QTMAN: variants seen among roughly 807,000 people sequenced by gnomAD.
The protein encoded by QTMAN is queuosine-tRNA mannosyltransferase, also known as tRNA-queuosine alpha-mannosyltransferase.
At chr2:144,147,739 A>T in the QTMAN span, among the ~76,000 whole-genome samples, 1 of 151,902 alleles carries the variant, frequency 6.6e-6, no homozygotes, top group African/African-American at 2.4e-5. Flanking sequence ...TATACCTTTT[A>T]TGATGGGGAA....
At chr2:144,058,622 C>A in the QTMAN span, among the ~76,000 whole-genome samples, 1 of 152,182 alleles carries the variant, frequency 6.6e-6, no homozygotes. Context: ...AAATCTTTAT[C>A]TTTAGATCTA....
the QTMAN span, chr2:144,211,253 G>A: frequency 1.3e-5 from 2 of 152,346 alleles, no homozygotes; most frequent in African/African-American, 4.8e-5. Flanking sequence ...AAACAGAAAA[G>A]GGGAAAAAAA....
chr2:144,113,562 T>C, the QTMAN span, among the ~76,000 whole-genome samples: 4 of 152,184 alleles, frequency 2.6e-5, no homozygotes, highest in Admixed American at 2.0e-4. Context: ...TGGCTGAAAA[T>C]TTCCCAAATT....
chr2:144,211,028 T>C, the QTMAN span: 1 of 152,280 alleles, frequency 6.6e-6, no homozygotes, highest in East Asian at 1.9e-4. Context: ...AAGAAAGCAA[T>C]ATAAATATTG....
chr2:144,072,361 T>C, the QTMAN span, among the ~76,000 whole-genome samples: 7 of 152,302 alleles, frequency 4.6e-5, no homozygotes, highest in Admixed American at 3.3e-4. Context: ...GTAAAGACAA[T>C]CTTACTTTCT....
chr2:144,232,914 T>C, the QTMAN span, among the ~76,000 whole-genome samples: 2 of 152,294 alleles, frequency 1.3e-5, no homozygotes, highest in Admixed American at 6.5e-5. Flanking sequence ...TTTGCAAGAA[T>C]TGGTAAACTT....
the QTMAN span, among the ~76,000 whole-genome samples, chr2:144,317,233 G>A: frequency 6.6e-6 from 1 of 152,018 alleles, no homozygotes; most frequent in African/African-American, 2.4e-5. Flanking sequence ...AATTACCTCT[G>A]ACTCTCTTTA....
chr2:144,186,542 A>G, the QTMAN span, among the ~76,000 whole-genome samples: 12 of 152,186 alleles, frequency 7.9e-5, no homozygotes, highest in Non-Finnish European at 1.5e-4. Flanking sequence ...GTTTTGGATA[A>G]GAGTTCATTC....
chr2:144,306,958 G>A, the QTMAN span, among the ~76,000 whole-genome samples: 3 of 151,462 alleles, frequency 2.0e-5, no homozygotes, highest in African/African-American at 7.3e-5. Context: ...TCAGGAGTTC[G>A]AGACCAGCCT....
chr2:144,075,298 GT>G, the QTMAN span, among the ~76,000 whole-genome samples: 1 of 152,168 alleles, frequency 6.6e-6, no homozygotes, highest in African/African-American at 2.4e-5. Context: ...AATCTGGGTC[GT>G]AACACGCACT....
chr2:144,027,242 G>A, the QTMAN span, among the ~76,000 whole-genome samples: 238 of 152,220 alleles, frequency 1.6e-3, no homozygotes, highest in African/African-American at 5.7e-3. Context: ...AAAGATATAA[G>A]GGCCTTAGAA....
chr2:144,203,632 C>T, the QTMAN span, among the ~76,000 whole-genome samples: 1 of 152,154 alleles, frequency 6.6e-6, no homozygotes, highest in Non-Finnish European at 1.5e-5. Flanking sequence ...ATCACAGATT[C>T]ACAGACCCAG....
chr2:143,954,322 C>T, the QTMAN span, among the ~76,000 whole-genome samples: 7 of 152,118 alleles, frequency 4.6e-5, no homozygotes, highest in South Asian at 1.5e-3. Context: ...CTTATAATTA[C>T]ATAAAATCAA....
chr2:144,162,164 C>T, the QTMAN span, among the ~76,000 whole-genome samples: 2 of 152,108 alleles, frequency 1.3e-5, no homozygotes, highest in Non-Finnish European at 2.9e-5. Flanking sequence ...GATTTTTACA[C>T]GGTAATTTGC....
At chr2:144,103,785 G>T in the QTMAN span, among the ~76,000 whole-genome samples, 2 of 152,078 alleles carry the variant, frequency 1.3e-5, no homozygotes, top group African/African-American at 4.8e-5. Context: ...ATACAGTTAG[G>T]TCTTATTAAA....
the QTMAN span, chr2:144,237,115 C>G: frequency 6.6e-6 from 1 of 152,158 alleles, no homozygotes; most frequent in Non-Finnish European, 1.5e-5. Context: ...TGAAGCTTTA[C>G]TTTGGGGAAT....
the QTMAN span, among the ~76,000 whole-genome samples, chr2:144,244,164 C>A: frequency 4.5e-4 from 69 of 152,284 alleles, 1 homozygote; most frequent in Non-Finnish European, 4.1e-4. Flanking sequence ...GGGTTCCCAT[C>A]AAAATGTCTT....
chr2:144,148,637 T>C, the QTMAN span, among the ~76,000 whole-genome samples: 1 of 151,756 alleles, frequency 6.6e-6, no homozygotes, highest in African/African-American at 2.4e-5. Context: ...TAGCTAATGT[T>C]TAACCGAAAG....
the QTMAN span, among the ~76,000 whole-genome samples, chr2:144,284,989 C>T: frequency 7.0e-6 from 1 of 142,760 alleles, no homozygotes; most frequent in South Asian, 2.3e-4. Context: ...TCCCGTAGTC[C>T]CAGATACTCA....
Sources: gnomAD v4.1 joint callset for allele counts (sites outside exome capture counted in the v4.1 genomes callset) on GRCh38, gnomAD v4.1.1 for gene constraint, MANE v1.5 for transcripts, NCBI Gene and HGNC (gene_info 2026-07-23, HGNC 2026-07-21) for gene names.